PAX8: variants seen among roughly 807,000 people sequenced by gnomAD.
The protein encoded by PAX8 is paired box 8.
Under a neutral mutation model 52.4 loss-of-function variants are expected in PAX8, and 15 were observed. The ratio of observed to expected loss-of-function variants is 0.29; its 90% CI spans 0.19 to 0.44. The LOEUF (loss-of-function observed/expected upper bound fraction) is 0.44. Among genes scored for constraint, PAX8 ranks in the 20% least tolerant of loss-of-function variants. The pLI is 1.00. For synonymous variants in PAX8, 284 were observed against 249.7 expected (o/e 1.14, Z -1.29); for missense variants, 554 against 602.5 (o/e 0.92, Z 0.84).
At chr2:113,248,560 A>G (rs1691508252) in intron 2 of PAX8, among the ~76,000 whole-genome samples, 1 of 152,218 alleles carries the variant, frequency 6.6e-6, no homozygotes, top group Non-Finnish European at 1.5e-5. Flanking sequence ...TGCTGGGCAC[A>G]CAGTGCCCAT....
chr2:113,275,126 C>T (rs1693712124), intron 2 of PAX8: 1 of 152,094 alleles, frequency 6.6e-6, no homozygotes, highest in Non-Finnish European at 1.5e-5. Context: ...ACTTTCCTTC[C>T]ACCCCCAAAA....
At chr2:113,242,509 C>G (rs949928789) in intron 5 of PAX8, among the ~76,000 whole-genome samples, 181 bp downstream of exon 5, 2 of 152,160 alleles carry the variant, frequency 1.3e-5, no homozygotes, top group African/African-American at 2.4e-5. Flanking sequence ...TGAATCTGCC[C>G]TGGGAACAGG....
At chr2:113,242,219 G>A in intron 5 of PAX8, 89 bp from the exon 6 acceptor site, 1 of 1,168,778 alleles carries the variant, frequency 8.6e-7, no homozygotes, top group South Asian at 1.3e-5. Flanking sequence ...GTTGAGCTGG[G>A]GACTGCAGGG....
At chr2:113,273,166 A>G (rs1240495032) in intron 2 of PAX8, 1 of 152,288 alleles carries the variant, frequency 6.6e-6, no homozygotes, top group Admixed American at 6.5e-5. Flanking sequence ...AACTGTGGCG[A>G]GAGAAAGTAA....
intron 10 of PAX8, chr2:113,226,383 C>T: frequency 7.1e-6 from 7 of 985,836 alleles, no homozygotes; most frequent in Non-Finnish European, 8.4e-6. Flanking sequence ...ATCCCAAAGT[C>T]TTCCCTACAT....
chr2:113,255,823 CAG>C (rs1692205276), intron 2 of PAX8, among the ~76,000 whole-genome samples: 1 of 152,078 alleles, frequency 6.6e-6, no homozygotes, highest in African/African-American at 2.4e-5. Flanking sequence ...TAACATCCAT[CAG>C]GGGAAAAAAC....
intron 2 of PAX8, chr2:113,273,269 T>G (rs1343595326): frequency 6.6e-6 from 1 of 152,266 alleles, no homozygotes; most frequent in Admixed American, 6.5e-5. Flanking sequence ...TGGAGCAGGC[T>G]GGGGGACCAG....
intron 2 of PAX8, among the ~76,000 whole-genome samples, chr2:113,252,937 G>C (rs1691899167): frequency 6.6e-6 from 1 of 152,126 alleles, no homozygotes; most frequent in Non-Finnish European, 1.5e-5. Flanking sequence ...CTTTCCTATT[G>C]TTTTCAACTA....
At position 113,218,511 on chromosome 2, in the gene PAX8, G is replaced by C; in HGVS notation, c.*22C>G. On this transcript the variant is annotated 3_prime_UTR_variant, in exon 12 of 12. Transcript: ENST00000429538. ...GGCTGAGTCCTCCTGTTGCTCAGTC[G>C]CTCCCACTGTCCCCATGGCAACTAC... 3 of 1,473,192 alleles carry C rather than the reference G, an allele frequency of 2.0e-6. No homozygotes were observed. The highest frequency in any genetic ancestry group is 2.8e-6 in the Non-Finnish European group (3 of 1,088,454). The allele number at this position is 1,473,192 out of a possible 1,614,324, so 91.3% of individuals were successfully genotyped here. A position where few individuals can be genotyped will look rare whatever the true frequency, so the allele number is the denominator to read the frequency against.
At chr2:113,225,703 C>T (rs1434583819) in intron 10 of PAX8, 1 of 162,164 alleles carries the variant, frequency 6.2e-6, no homozygotes, top group South Asian at 2.0e-4. Context: ...CCAGGAACCC[C>T]TTGCCCTGGG....
chr2:113,250,047 C>CT (rs1691643774), intron 2 of PAX8, among the ~76,000 whole-genome samples: 1 of 151,930 alleles, frequency 6.6e-6, no homozygotes, highest in African/African-American at 2.4e-5. Context: ...GTGGGTGGAT[C>CT]ACGAGGTCAG....
chr2:113,241,454 A>G (rs1193628564), intron 7 of PAX8, 97 bp downstream of exon 7: 3 of 1,268,936 alleles, frequency 2.4e-6, no homozygotes, highest in South Asian at 1.3e-5. Flanking sequence ...CATTGATGCA[A>G]CTTCCAGCTG....
At chr2:113,244,738 G>T in intron 3 of PAX8, 114 bp from the exon 4 acceptor site, 1 of 941,416 alleles carries the variant, frequency 1.1e-6, no homozygotes, top group Non-Finnish European at 1.7e-6. Flanking sequence ...GTATGAGAGT[G>T]AAATGTGCCT....
At chr2:113,259,065 C>G (rs540769564) in intron 2 of PAX8, 1 of 152,402 alleles carries the variant, frequency 6.6e-6, no homozygotes, top group East Asian at 1.9e-4. Context: ...TGAAGGTCAC[C>G]AAGTCCAAGG....
chr2:113,278,294 A>T, intron 2 of PAX8, 76 bp downstream of exon 2: 1 of 1,213,060 alleles, frequency 8.2e-7, no homozygotes, highest in Middle Eastern at 1.9e-4. Context: ...CGCTCTCGAG[A>T]TCCAACCACC....
rs1285973464 is a variant in PAX8 at position 113,278,861 on chromosome 2, T to C, written c.-106A>G. 1 of 1,062,378 alleles carries C rather than the reference T, an allele frequency of 9.4e-7. No individual in the cohort carries two copies. Among genetic ancestry groups the C allele is most frequent in the African/African-American group, 1.7e-5 (1 of 60,312 alleles). 65.8% of individuals were successfully genotyped at this position (1,062,378 alleles called of 1,614,324 possible). The stretch of plus-strand genomic sequence containing the variant: ...CGGCCGGCTGCAGGCCCTCACTGCT[T>C]GGGTCCGCCCGCGAGGGTGCCCTGG... On this transcript the variant is annotated 5_prime_UTR_variant, in exon 1 of 12. Coordinates refer to ENST00000429538, the MANE Select transcript of PAX8 (RefSeq NM_003466.4).
intron 9 of PAX8, among the ~76,000 whole-genome samples, chr2:113,230,157 G>A (rs1370199834): frequency 4.6e-5 from 7 of 152,254 alleles, no homozygotes; most frequent in Admixed American, 2.6e-4. Flanking sequence ...TGCCATGATC[G>A]GGGTGGGGAG....
intron 2 of PAX8, among the ~76,000 whole-genome samples, chr2:113,277,279 T>C (rs996917539): frequency 6.6e-5 from 10 of 152,050 alleles, no homozygotes; most frequent in African/African-American, 9.7e-5. Flanking sequence ...GGGTTCCCGC[T>C]CCCCTCCTAG....
intron 10 of PAX8, among the ~76,000 whole-genome samples, chr2:113,225,041 A>G (rs1040010159): frequency 4.6e-5 from 7 of 152,108 alleles, no homozygotes; most frequent in African/African-American, 1.7e-4. Flanking sequence ...GTGTTTGCAT[A>G]ACTCAGCCAC....
Sources: gnomAD v4.1 joint callset for allele counts (sites outside exome capture counted in the v4.1 genomes callset) on GRCh38, gnomAD v4.1.1 for gene constraint, MANE v1.5 for transcripts, NCBI Gene and HGNC (gene_info 2026-07-23, HGNC 2026-07-21) for gene names.